MARCHF1: variants seen among roughly 807,000 people sequenced by gnomAD.
The protein encoded by MARCHF1 is membrane associated ring-CH-type finger 1, also known as E3 ubiquitin-protein ligase MARCHF1.
A neutral mutation model predicts 54.2 loss-of-function variants in MARCHF1; 40 were observed. The ratio of observed to expected loss-of-function variants is 0.74; its 90% CI spans 0.57 to 0.96. The LOEUF (loss-of-function observed/expected upper bound fraction) is 0.96, where lower values mean the gene tolerates loss of function less well. Ranked by LOEUF, MARCHF1 falls within the 40% of genes least tolerant of loss-of-function variation. The probability of loss-of-function intolerance (pLI) is 0.00; values close to 1 mark genes in which losing one functional copy is unlikely to be tolerated. For synonymous variants in MARCHF1, 236 were observed against 236.3 expected, an observed-to-expected ratio of 1.00 and a Z score of 0.01; for missense variants, 586 against 656.5, an observed-to-expected ratio of 0.89 and a Z score of 1.17.
rs1320034680 is a variant in MARCHF1 at position 163,869,880 on chromosome 4, C to T, written c.-38-15711G>A. On this transcript the variant is annotated intron_variant, in intron 3 of 9. Coordinates refer to ENST00000514618, the MANE Select transcript of MARCHF1 (RefSeq NM_001394959.1). Reference sequence around the variant, plus strand: ...AATATATTGTCCATGACCCTGTGTGCATCAAAATCTCAAGCTTATATCTGA... The same window carrying T: ...AATATATTGTCCATGACCCTGTGTGTATCAAAATCTCAAGCTTATATCTGA... 2.6e-5 allele frequency among the ~76,000 whole-genome samples: 4 copies of T among 152,120 alleles called. No homozygotes were observed. In the East Asian group the frequency reaches 7.7e-4, roughly 29 times the overall value.
intron 5 of MARCHF1, among the ~76,000 whole-genome samples, chr4:163,639,047 G>A (rs1742457282): frequency 6.6e-6 from 1 of 152,104 alleles, no homozygotes; most frequent in Admixed American, 6.6e-5. Flanking sequence ...GGGGGATGGG[G>A]AGTTATTGTT....
At chr4:164,125,332 A>G (rs1756156605) in intron 1 of MARCHF1, among the ~76,000 whole-genome samples, 1 of 152,158 alleles carries the variant, frequency 6.6e-6, no homozygotes, top group Non-Finnish European at 1.5e-5. Flanking sequence ...ATAAATACTT[A>G]ACATAATAAA....
At chr4:164,189,794 A>G (rs745941377) in intron 1 of MARCHF1, 73 of 1,565,992 alleles carry the variant, frequency 4.7e-5, no homozygotes, top group Non-Finnish European at 6.4e-5. Flanking sequence ...CCCTGACAAA[A>G]GACATTCATC....
At chr4:163,815,850 G>A (rs1748518273) in intron 4 of MARCHF1, among the ~76,000 whole-genome samples, 1 of 151,918 alleles carries the variant, frequency 6.6e-6, no homozygotes, top group Non-Finnish European at 1.5e-5. Context: ...ACAGAAACAG[G>A]GAAATGAACC....
At chr4:164,271,758 T>C (rs914878035) in intron 1 of MARCHF1, among the ~76,000 whole-genome samples, 6 of 152,098 alleles carry the variant, frequency 3.9e-5, no homozygotes, top group South Asian at 2.1e-4. Flanking sequence ...TTGTTACTTT[T>C]GGTAGGTCAT....
chr4:164,252,494 C>T (rs912008608), intron 1 of MARCHF1, among the ~76,000 whole-genome samples: 2 of 152,102 alleles, frequency 1.3e-5, no homozygotes, highest in Non-Finnish European at 2.9e-5. Flanking sequence ...CCTCCCTCCC[C>T]ACAGCTGTGC....
chr4:163,728,584 T>C (rs905415025), intron 4 of MARCHF1, among the ~76,000 whole-genome samples: 1 of 152,202 alleles, frequency 6.6e-6, no homozygotes, highest in Non-Finnish European at 1.5e-5. Flanking sequence ...GTGGTTTCAA[T>C]TTCAAATTTA....
chr4:163,802,392 T>A (rs1748106458), intron 4 of MARCHF1, among the ~76,000 whole-genome samples: 1 of 152,090 alleles, frequency 6.6e-6, no homozygotes, highest in South Asian at 2.1e-4. Flanking sequence ...GTAATAAAAG[T>A]CAAACACATT....
intron 3 of MARCHF1, among the ~76,000 whole-genome samples, chr4:163,911,067 TTC>T (rs999113052): frequency 2.6e-5 from 4 of 152,204 alleles, no homozygotes; most frequent in African/African-American, 9.6e-5. Context: ...ATTTTTTAAA[TTC>T]TGTTTTTTTC....
At chr4:164,189,581 G>T (rs1455049852) in intron 1 of MARCHF1, 6 of 938,306 alleles carry the variant, frequency 6.4e-6, no homozygotes, top group Admixed American at 1.7e-5. Context: ...GTCCAGGCTG[G>T]AGTGCTCTCT....
intron 5 of MARCHF1, among the ~76,000 whole-genome samples, chr4:163,677,797 G>T (rs1743968201): frequency 6.6e-6 from 1 of 152,174 alleles, no homozygotes; most frequent in African/African-American, 2.4e-5. Context: ...CACACTACAT[G>T]CCAACATATT....
intron 4 of MARCHF1, among the ~76,000 whole-genome samples, chr4:163,810,955 A>T (rs1016207984): frequency 1.3e-5 from 2 of 152,080 alleles, no homozygotes; most frequent in African/African-American, 4.8e-5. Flanking sequence ...GCTGGTGGTA[A>T]ATATTGCTGT....
At chr4:163,930,529 C>T (rs1751649117) in intron 3 of MARCHF1, among the ~76,000 whole-genome samples, 1 of 146,800 alleles carries the variant, frequency 6.8e-6, no homozygotes, top group African/African-American at 2.5e-5. Flanking sequence ...CTCACTTTGG[C>T]TGGGTCATAA....
At chr4:163,983,381 A>G (rs1752799248) in intron 3 of MARCHF1, among the ~76,000 whole-genome samples, 1 of 152,194 alleles carries the variant, frequency 6.6e-6, no homozygotes, top group South Asian at 2.1e-4. Context: ...CCTCCCTACT[A>G]AATTACTTTG....
At chr4:164,309,253 C>CCT (rs1025776337) in intron 1 of MARCHF1, among the ~76,000 whole-genome samples, 1 of 116,484 alleles carries the variant, frequency 8.6e-6, no homozygotes, top group African/African-American at 3.5e-5. Context: ...TAATTTCTAA[C>CCT]CTGTGTGTGT....
At chr4:164,160,174 A>G (rs1229853008) in intron 1 of MARCHF1, among the ~76,000 whole-genome samples, 1 of 152,144 alleles carries the variant, frequency 6.6e-6, no homozygotes, top group Admixed American at 6.6e-5. Context: ...GTCATGTGTC[A>G]CTTAACGATG....
At chr4:163,862,300 A>C (rs143975325) in intron 3 of MARCHF1, among the ~76,000 whole-genome samples, 300 of 152,194 alleles carry the variant, frequency 2.0e-3, no homozygotes, top group African/African-American at 7.0e-3. Context: ...ATACTTGCAA[A>C]ATGCATATTG....
intron 4 of MARCHF1, among the ~76,000 whole-genome samples, chr4:163,723,712 T>G (rs1474323873): frequency 6.6e-6 from 1 of 152,210 alleles, no homozygotes; most frequent in East Asian, 1.9e-4. Flanking sequence ...TCTTGGAGGC[T>G]TTGTTCATGT....
At position 163,991,453 on chromosome 4, in the gene MARCHF1, A is replaced by G. The variant is rs575957364; in HGVS notation, c.-247-2744T>C. 3.3e-5 allele frequency among the ~76,000 whole-genome samples: 5 copies of G among 152,268 alleles called. No homozygotes were observed. The East Asian group carries it at 9.6e-4, about 29-fold the overall frequency. ...AAGCAGCTTCCATAGTGCTCTGCCA[A>G]CTAGAAACAATCAGAAGTCTCTGGG... On this transcript the variant is annotated intron_variant, in intron 2 of 9. Coordinates refer to ENST00000514618, the MANE Select transcript of MARCHF1 (RefSeq NM_001394959.1).
Sources: gnomAD v4.1 joint callset for allele counts (sites outside exome capture counted in the v4.1 genomes callset) on GRCh38, gnomAD v4.1.1 for gene constraint, MANE v1.5 for transcripts, NCBI Gene and HGNC (gene_info 2026-07-23, HGNC 2026-07-21) for gene names.